Variants in RBMS3 observed in about 807,000 individuals in gnomAD.
RBMS3 encodes the protein RNA-binding motif, single-stranded-interacting protein 3.
A neutral mutation model predicts 66.8 loss-of-function variants in RBMS3; 27 were observed. The ratio of observed to expected loss-of-function variants is 0.40; its 90% CI spans 0.30 to 0.56. The LOEUF is 0.56. Among genes scored for constraint, RBMS3 ranks in the 20% least tolerant of loss-of-function variants. The pLI is 0.40. For missense variants in RBMS3, 513 were observed against 549.5 expected, an observed-to-expected ratio of 0.93 and a Z score of 0.66; for synonymous variants, 188 against 183.0, an observed-to-expected ratio of 1.03 and a Z score of -0.22.
intron 1 of RBMS3, among the ~76,000 whole-genome samples, chr3:29,373,962 G>A (rs932093227): frequency 6.6e-6 from 1 of 152,184 alleles, no homozygotes; most frequent in African/African-American, 2.4e-5. Flanking sequence ...TGGTGGATGG[G>A]TGGTCAGCAT....
intron 6 of RBMS3, among the ~76,000 whole-genome samples, chr3:29,842,714 C>A (rs2149506203): frequency 6.6e-6 from 1 of 152,212 alleles, no homozygotes; most frequent in East Asian, 1.9e-4. Context: ...CTGATTCTTT[C>A]AGATGAACCA....
At chr3:29,426,193 T>A (rs1190505310) in intron 1 of RBMS3, among the ~76,000 whole-genome samples, 1 of 152,188 alleles carries the variant, frequency 6.6e-6, no homozygotes, top group Non-Finnish European at 1.5e-5. Flanking sequence ...TTTGTTTGTA[T>A]TTAAAGAGAT....
chr3:29,808,316 T>C (rs1157030325), intron 6 of RBMS3, among the ~76,000 whole-genome samples: 2 of 151,966 alleles, frequency 1.3e-5, no homozygotes, highest in Non-Finnish European at 2.9e-5. Flanking sequence ...TAATTATTTA[T>C]ACCCAATTTG....
chr3:29,416,135 A>G (rs1362631548), intron 1 of RBMS3, among the ~76,000 whole-genome samples: 1 of 152,076 alleles, frequency 6.6e-6, no homozygotes, highest in East Asian at 1.9e-4. Context: ...ATCACACGAG[A>G]TACTTACATC....
chr3:29,328,193 A>C (rs1205541088), intron 1 of RBMS3, among the ~76,000 whole-genome samples: 1 of 152,182 alleles, frequency 6.6e-6, no homozygotes, highest in Non-Finnish European at 1.5e-5. Context: ...TAGTACTATA[A>C]CATTCTTGGC....
intron 14 of RBMS3, 43 bp from the exon 15 acceptor site, chr3:30,003,813 T>C: frequency 7.4e-7 from 1 of 1,357,074 alleles, no homozygotes; most frequent in Non-Finnish European, 9.7e-7. Flanking sequence ...GATTTCAAAG[T>C]TACTTTAATT....
At chr3:29,456,315 T>TC (rs1293268016) in intron 2 of RBMS3, among the ~76,000 whole-genome samples, 3 of 152,150 alleles carry the variant, frequency 2.0e-5, no homozygotes, top group African/African-American at 4.8e-5. Flanking sequence ...TTTTCCACTC[T>TC]CCCTGTAATT....
chr3:29,434,900 T>A lies in RBMS3; in HGVS notation c.233T>A (p.Ile78Asn), dbSNP rs147780595. Residue 78 changes from isoleucine to asparagine, a missense_variant, in exon 2 of 15, where the codon ATC becomes AAC. Coordinates refer to ENST00000383767, the MANE Select transcript of RBMS3 (RefSeq NM_001003793.3). ...CCAGGCACCACTGACCAGGACCTAA[T>A]CAAGCTGTGCCAACCGTAAGTGTCC... ...LPPGTTDQDLIKLCQPYGKIV... is the reference protein window; with the variant it reads ...LPPGTTDQDLNKLCQPYGKIV... The A allele has an allele frequency of 6.2e-4, 1,000 of 1,613,558 alleles. No individual in the cohort carries two copies. Among genetic ancestry groups the A allele is most frequent in the Non-Finnish European group, 7.7e-4 (908 of 1,179,722 alleles).
At chr3:29,474,219 CATT>C (rs1170110220) in intron 2 of RBMS3, among the ~76,000 whole-genome samples, 1 of 152,224 alleles carries the variant, frequency 6.6e-6, no homozygotes, top group Non-Finnish European at 1.5e-5. Context: ...TTTTGCTCCG[CATT>C]GTTTGAGGAT....
chr3:29,702,274 T>C (rs1362850755), intron 4 of RBMS3, among the ~76,000 whole-genome samples: 3 of 152,134 alleles, frequency 2.0e-5, no homozygotes, highest in Non-Finnish European at 4.4e-5. Flanking sequence ...CAGTGCTCTG[T>C]GTCTAGCTAA....
Position 29,897,382 on chromosome 3 carries a change from T to C in RBMS3, c.795T>C (p.Phe265=). Residue 265 remains phenylalanine, a synonymous_variant, in exon 9 of 15, where the codon TTT becomes TTC. Coordinates refer to ENST00000383767, the MANE Select transcript of RBMS3 (RefSeq NM_001003793.3). ...YDPTAAIQNG[F]YSSPYSIATN... ...CCTTTTTGTTTTCTGTTTGCAGATT[T>C]TATTCTTCACCGTACAGTATTGCAA... is the stretch of plus-strand genomic sequence containing the variant. 6.2e-7 allele frequency: 1 copy of C among 1,610,508 alleles called. No homozygotes were observed. The highest frequency in any genetic ancestry group is 8.5e-7 in the Non-Finnish European group (1 of 1,177,590).
In RBMS3 at chr3:29,376,982, A is replaced by G. The variant is rs138545143; in HGVS notation, c.76-57761A>G. Among the ~76,000 whole-genome samples the G allele has an allele frequency of 3.1e-3, 478 of 152,156 alleles. 2 individuals carry two copies. Among genetic ancestry groups the G allele is most frequent in the African/African-American group, 0.011 (460 of 41,532 alleles). ...CGGATGCCTGTAATCCCAGCTACTC[A>G]GGAGGCTGAGACAGGAAAATCACTT... is the stretch of plus-strand genomic sequence containing the variant. On this transcript the variant is annotated intron_variant, in intron 1 of 14. Coordinates refer to ENST00000383767, the MANE Select transcript of RBMS3 (RefSeq NM_001003793.3).
chr3:29,567,680 A>G (rs898086003), intron 3 of RBMS3, among the ~76,000 whole-genome samples: 4 of 140,046 alleles, frequency 2.9e-5, no homozygotes, highest in African/African-American at 1.2e-4. Flanking sequence ...TATGAGGAGA[A>G]CTGTGTAAAT....
intron 1 of RBMS3, among the ~76,000 whole-genome samples, chr3:29,388,981 T>A (rs1273068879): frequency 1.3e-5 from 2 of 152,250 alleles, no homozygotes; most frequent in African/African-American, 4.8e-5. Flanking sequence ...CAGTATTGAT[T>A]TGAGAATTTG....
Position 29,637,111 on chromosome 3 carries a change from G to C in RBMS3, c.399+49906G>C, listed in dbSNP as rs933877050. 3.3e-5 allele frequency among the ~76,000 whole-genome samples: 5 copies of C among 151,978 alleles called. No individual in the cohort carries two copies. The South Asian group carries it at 1.0e-3, about 32-fold the overall frequency. ...TGCCACTCAAAATTTGTTTCAGCAG[G>C]AAGCAACACTTTCCATTTTTTTCTT... On this transcript the variant is annotated intron_variant, in intron 4 of 14. Transcript: ENST00000383767.
intron 3 of RBMS3, among the ~76,000 whole-genome samples, chr3:29,552,581 CA>C (rs1418504596): frequency 6.6e-6 from 1 of 152,062 alleles, no homozygotes; most frequent in African/African-American, 2.4e-5. Context: ...CTTCTCTAAG[CA>C]AAAAGTGAAT....
At chr3:29,706,433 G>T (rs2052896799) in intron 4 of RBMS3, among the ~76,000 whole-genome samples, 1 of 152,182 alleles carries the variant, frequency 6.6e-6, no homozygotes, top group Non-Finnish European at 1.5e-5. Context: ...CCAGATCCAA[G>T]CAGGCTCAAT....
intron 6 of RBMS3, chr3:29,765,670 C>T (rs879661332): frequency 6.6e-6 from 1 of 151,844 alleles, no homozygotes; most frequent in Non-Finnish European, 1.5e-5. Context: ...GACCTGAGAT[C>T]CTCGGGTCTT....
rs1426134633 is a variant in RBMS3, at chr3:29,380,816, G to T, written c.76-53927G>T. Among the ~76,000 whole-genome samples, 5 of 152,284 alleles carry T rather than the reference G, an allele frequency of 3.3e-5. No individual in the cohort carries two copies. The East Asian group carries it at 5.8e-4, about 18-fold the overall frequency. The stretch of plus-strand genomic sequence containing the variant: ...GTGTGATGATTGGCCTTGTCCTATT[G>T]AAAAACCTATAGACCACTTTGAGTG... On this transcript the variant is annotated intron_variant, in intron 1 of 14. Transcript: ENST00000383767.
Sources: gnomAD v4.1 joint callset for allele counts (sites outside exome capture counted in the v4.1 genomes callset) on GRCh38, gnomAD v4.1.1 for gene constraint, MANE v1.5 for transcripts, NCBI Gene and HGNC (gene_info 2026-07-23, HGNC 2026-07-21) for gene names.